Variants in TNK2 observed in about 807,000 individuals in gnomAD.
TNK2 encodes the protein tyrosine kinase non receptor 2, also known as activated CDC42 kinase 1.
In TNK2, 83 loss-of-function variants were observed where a neutral mutation model predicts 101.8. The observed-to-expected ratio is 0.82, with a 90% CI of 0.68 to 0.98. The LOEUF (loss-of-function observed/expected upper bound fraction) is 0.98. TNK2 is among the 50% of genes least tolerant of loss of function. The pLI, the probability that TNK2 is intolerant of heterozygous loss-of-function variation, is 0.00. For synonymous variants in TNK2, 804 were observed against 633.0 expected (o/e 1.27, Z -4.06); for missense variants, 1,665 against 1,483.2 (o/e 1.12, Z -2.01).
intron 1 of TNK2, among the ~76,000 whole-genome samples, chr3:195,900,833 T>C (rs1447045362): frequency 6.6e-6 from 1 of 152,182 alleles, no homozygotes; most frequent in African/African-American, 2.4e-5. Context: ...AGAGAGCTCT[T>C]CCAGGGCTGG....
chr3:195,868,023 G>C lies in TNK2; in HGVS notation c.2275C>G (p.Pro759Ala), dbSNP rs749048241. 14 of 1,585,466 alleles carry C rather than the reference G, an allele frequency of 8.8e-6. No individual in the cohort carries two copies. The Admixed American group carries it at 1.8e-4, about 20-fold the overall frequency. ...DDKPQVPPRVPIPPRPTRPHV... is the reference protein window; with the variant it reads ...DDKPQVPPRVAIPPRPTRPHV... ...GGGCGCGTGGGCCGAGGGGGGATGG[G>C]TACCCGAGGAGGCACCTGGGGCTTG... The change falls in exon 13 of 16, where the codon CCC becomes GCC. Residue 759 changes from proline (P) to alanine (A), a missense_variant. Physicochemically the swap from Pro to Ala is conservative, Grantham distance 27. Transcript: ENST00000672887.
intron 15 of TNK2, among the ~76,000 whole-genome samples, chr3:195,866,226 A>T (rs891726317): frequency 6.6e-6 from 1 of 151,966 alleles, no homozygotes; most frequent in Non-Finnish European, 1.5e-5. Context: ...TTTTGGAGAC[A>T]GTCTCCCTCT....
intron 1 of TNK2, among the ~76,000 whole-genome samples, chr3:195,905,734 G>A (rs531580185): frequency 1.3e-5 from 2 of 152,272 alleles, no homozygotes; most frequent in South Asian, 2.1e-4. Context: ...CTTTGGGTCA[G>A]GCAAAGATTT....
At chr3:195,867,061 G>A (rs543757178) in intron 14 of TNK2, 45 bp from the exon 15 acceptor site, 39 of 1,610,510 alleles carry the variant, frequency 2.4e-5, no homozygotes, top group South Asian at 1.6e-4. Context: ...CCAGGGCACC[G>A]ACTAGGGTGG....
chr3:195,891,612 C>G (rs1357620684), intron 1 of TNK2, among the ~76,000 whole-genome samples: 1 of 152,176 alleles, frequency 6.6e-6, no homozygotes, highest in Non-Finnish European at 1.5e-5. Flanking sequence ...CGTCTCCTCT[C>G]CACCCGGCCA....
chr3:195,890,719 C>A (rs1052940913), intron 1 of TNK2, among the ~76,000 whole-genome samples: 7 of 152,124 alleles, frequency 4.6e-5, no homozygotes, highest in African/African-American at 1.4e-4. Flanking sequence ...GGAGCCACTG[C>A]TCCTGGCCTT....
At position 195,886,922 on chromosome 3, in the gene TNK2, AGGGG is replaced by A; in HGVS notation, c.234+51_234+54del. 3 of 1,586,058 alleles carry A rather than the reference AGGGG, an allele frequency of 1.9e-6. No homozygotes were observed. In the South Asian group the frequency reaches 3.3e-5, roughly 18 times the overall value. On this transcript the variant is annotated intron_variant, in intron 3 of 15. Transcript: ENST00000672887. This position sits in a 1 kb window ranked among gnomAD's most constrained non-coding sequence, Gnocchi z 4.2. ...GGAAGGTTCCCAGGACCAGAAGCGG[AGGGG>A]GGCGTTCGAGGCTGCCCCCCTCCCA...
chr3:195,892,754 C>A, intron 1 of TNK2: 1 of 1,284,486 alleles, frequency 7.8e-7, no homozygotes, highest in Non-Finnish European at 9.9e-7. Flanking sequence ...TGGTCACAGT[C>A]CAGCCCTACT....
intron 1 of TNK2, among the ~76,000 whole-genome samples, chr3:195,889,945 C>T (rs1757705327): frequency 6.6e-6 from 1 of 152,218 alleles, no homozygotes; most frequent in African/African-American, 2.4e-5. Context: ...TCCTCCCCAG[C>T]TCCCATCACA....
chr3:195,898,863 G>A (rs930016413), intron 1 of TNK2, among the ~76,000 whole-genome samples: 22 of 152,172 alleles, frequency 1.4e-4, no homozygotes, highest in African/African-American at 4.3e-4. Context: ...GGGAGGCCAA[G>A]GCAGGCGGAT....
chr3:195,875,373 G>T (rs1260365491), intron 9 of TNK2, among the ~76,000 whole-genome samples: 4 of 61,946 alleles, frequency 6.5e-5, no homozygotes, highest in Admixed American at 3.1e-4. Context: ...CGAGGCACAA[G>T]AAACTCCCCC....
At position 195,895,202 on chromosome 3, in the gene TNK2, T is replaced by C. The variant is rs767113536; in HGVS notation, c.-18-6596A>G. The C allele has an allele frequency of 5.5e-6, 8 of 1,463,750 alleles. No homozygotes were observed. In the South Asian group the frequency reaches 1.1e-4, roughly 21 times the overall value. 90.7% of individuals were successfully genotyped at this position (1,463,750 alleles called of 1,614,324 possible). On this transcript the variant is annotated intron_variant, in intron 1 of 15. Coordinates refer to ENST00000672887, the MANE Select transcript of TNK2 (RefSeq NM_001382273.1). ...GCCCGGCTCACAGCAGACGAAGGGG[T>C]CTGGGGCCCAGGTATCTGGCTATCC...
rs145486009 is a variant in TNK2 at position 195,878,276 on chromosome 3, A to G, written c.1233T>C (p.Asp411=). ...ACCTTCCCTCGATGACGGTGATGAC[A>G]TCATTCATCTGGATGTGCAGCTTGT... ...EPDKLHIQMN[D]VITVIEGRAE... The change falls in exon 9 of 16, where the codon GAT becomes GAC. Residue 411 remains aspartate, a synonymous_variant. Transcript: ENST00000672887. The surrounding 1 kb of genome is among the most constrained non-coding windows in gnomAD (Gnocchi z 4.7). 8.7e-6 allele frequency: 14 copies of G among 1,613,640 alleles called. No homozygotes were observed. The African/African-American group carries it at 1.7e-4, about 20-fold the overall frequency.
At chr3:195,880,086 TG>T (rs1023312097) in intron 6 of TNK2, among the ~76,000 whole-genome samples, 1 of 152,070 alleles carries the variant, frequency 6.6e-6, no homozygotes, top group Non-Finnish European at 1.5e-5. Flanking sequence ...AAAGCAGAAC[TG>T]GAACAACCCT....
Position 195,866,882 on chromosome 3 carries a change from C to A in TNK2, c.3161+7G>T. The A allele has an allele frequency of 6.2e-7, 1 of 1,609,414 alleles. No individual in the cohort carries two copies. The highest frequency in any genetic ancestry group is 8.5e-7 in the Non-Finnish European group (1 of 1,178,460). ...ACGGAGCGGGGCAGACTGTGGGGCT[C>A]ACTCACTTGTGGTGGGCAGGGCCCC... On this transcript the variant is annotated splice_region_variant and intron_variant, in intron 15 of 15. Transcript: ENST00000672887.
At chr3:195,892,191 C>G (rs528102001) in intron 1 of TNK2, among the ~76,000 whole-genome samples, 1 of 152,222 alleles carries the variant, frequency 6.6e-6, no homozygotes, top group African/African-American at 2.4e-5. Context: ...AGTCTGCACA[C>G]CTGTGTCCGT....
rs1323377600 is a variant in TNK2, at chr3:195,868,443, G to A, written c.1855C>T (p.Pro619Ser). ...MDACSLLDET[P>S]PQSPTRALPR... is the part of the protein sequence containing the mutation. ...AGTGCCCGCGTGGGGCTCTGAGGCG[G>A]GGTCTCGTCCAGCAGGGAGCAGGCG... The change falls in exon 13 of 16, where the codon CCG (proline) becomes TCG (serine). Residue 619 changes from proline (P) to serine (S), a missense_variant. By Grantham distance (74) the Pro-to-Ser change is moderately conservative. Around this residue, in one of 3 missense-constraint regions of TNK2, gnomAD observed 1,136 missense variants for 894.9 expected, o/e 1.27. Transcript: ENST00000672887. The A allele has an allele frequency of 1.3e-6, 2 of 1,566,122 alleles. No individual in the cohort carries two copies. Among genetic ancestry groups the A allele is most frequent in the East Asian group, 4.5e-5 (2 of 44,106 alleles).
rs115498547 is a variant in TNK2 at position 195,870,355 on chromosome 3, C to T, written c.1452-150G>A. On this transcript the variant is annotated intron_variant, in intron 10 of 15. Coordinates refer to ENST00000672887, the MANE Select transcript of TNK2 (RefSeq NM_001382273.1). ...CGCCTCCCAGTCCACAGAACCTGACCGCACGTCTCAGCTGGGGGGTGTCCT... is the reference window on the plus strand; with the variant it reads ...CGCCTCCCAGTCCACAGAACCTGACTGCACGTCTCAGCTGGGGGGTGTCCT... The T allele has an allele frequency of 8.2e-5, 123 of 1,505,194 alleles. No individual in the cohort carries two copies. In the African/African-American group the frequency reaches 1.5e-3, roughly 18 times the overall value. The allele number at this position is 1,505,194 out of a possible 1,614,324, so 93.2% of individuals were successfully genotyped here.
rs757024520 is a variant in TNK2 at position 195,872,303 on chromosome 3, C to A, written c.1424G>T (p.Cys475Phe). 1.2e-6 allele frequency: 2 copies of A among 1,613,346 alleles called. No homozygotes were observed. The highest frequency in any genetic ancestry group is 1.7e-5 in the Admixed American group (1 of 59,994). ...GTCAATCCTGTCCGGGAAGCCCCAG[C>A]AGTGGCGGGGGTCACTGTCGCCATG... ...TGHGDSDPRH[C>F]WGFPDRIDEL... The change falls in exon 10 of 16, where the codon TGC (cysteine) becomes TTC (phenylalanine). Residue 475 changes from cysteine (C) to phenylalanine (F), a missense_variant. Cys to Phe is a radical substitution (Grantham distance 205). Around this residue, in one of 3 missense-constraint regions of TNK2, gnomAD observed 1,136 missense variants for 894.9 expected, o/e 1.27. Coordinates refer to ENST00000672887, the MANE Select transcript of TNK2 (RefSeq NM_001382273.1).
Sources: allele counts gnomAD v4.1 joint callset (sites outside exome capture counted in the v4.1 genomes callset), GRCh38; gene constraint gnomAD v4.1.1; regional missense constraint gnomAD v4.1.1; non-coding constraint Gnocchi (gnomAD v3.1); transcripts MANE v1.5; gene names NCBI Gene and HGNC (gene_info 2026-07-23, HGNC 2026-07-21).